The following OTUB2 variants were observed in gnomAD, a reference collection of about 807,000 sequenced individuals.
The protein encoded by OTUB2 is ubiquitin thioesterase OTUB2.
In OTUB2, 21 loss-of-function variants were observed where a neutral mutation model predicts 25.1. The ratio of observed to expected loss-of-function variants is 0.84; its 90% CI spans 0.59 to 1.21. The LOEUF (loss-of-function observed/expected upper bound fraction) is 1.21. Among genes scored for constraint, OTUB2 ranks in the 50% most tolerant of loss-of-function variants. OTUB2 has a pLI of 0.00. For synonymous variants in OTUB2, 122 were observed against 122.8 expected (o/e 0.99, Z 0.04); for missense variants, 283 against 298.0 (o/e 0.95, Z 0.37).
rs749145276 is a variant in OTUB2 at position 94,048,889 on chromosome 14, G to GT, written c.*2968dup. ...CCAAGCCCTACAGCTTCCCTAGGCA[G>GT]TAAGTAAAAACATTCTCCTAGCATT... On this transcript the variant is annotated 3_prime_UTR_variant, in exon 6 of 6. Coordinates refer to ENST00000203664, the MANE Select transcript of OTUB2 (RefSeq NM_023112.4). The GT allele has an allele frequency of 3.3e-5, 5 of 152,278 alleles. No individual in the cohort carries two copies. Among genetic ancestry groups the GT allele is most frequent in the Non-Finnish European group, 7.3e-5 (5 of 68,052 alleles). The allele number at this position is 152,278 out of a possible 1,614,324, so 9.4% of individuals were successfully genotyped here.
At chr14:94,036,806 C>G (rs2141410475) in intron 1 of OTUB2, among the ~76,000 whole-genome samples, 1 of 152,300 alleles carries the variant, frequency 6.6e-6, no homozygotes, top group Admixed American at 6.5e-5. Context: ...GACACCTTCT[C>G]TGGCATCTCC....
chr14:94,035,391 G>T (rs1346286163), intron 1 of OTUB2, among the ~76,000 whole-genome samples: 1 of 143,988 alleles, frequency 6.9e-6, no homozygotes, highest in Non-Finnish European at 1.5e-5. Flanking sequence ...CCCGGTTTAA[G>T]AAATTCTCTA....
chr14:94,045,834 A>G lies in OTUB2; in HGVS notation c.617A>G (p.His206Arg). ...VDEMDTALNH[H>R]VFPEAATPSV... is the part of the protein sequence containing the mutation. ...GAGATGGATACCGCCCTGAACCACC[A>G]CGTGTTCCCTGAGGCCGCCACCCCT... Residue 206 changes from histidine to arginine, a missense_variant, in exon 6 of 6, where the codon CAC (histidine) becomes CGC (arginine). Coordinates refer to ENST00000203664, the MANE Select transcript of OTUB2 (RefSeq NM_023112.4). The G allele has an allele frequency of 6.2e-7, 1 of 1,614,136 alleles. No individual in the cohort carries two copies. The highest frequency in any genetic ancestry group is 8.5e-7 in the Non-Finnish European group (1 of 1,180,024).
chr14:94,031,378 C>T (rs574394141), intron 1 of OTUB2, among the ~76,000 whole-genome samples: 2 of 152,176 alleles, frequency 1.3e-5, no homozygotes, highest in Admixed American at 6.5e-5. Context: ...CCCATGGCTG[C>T]GGGCTGCTTG....
At chr14:94,039,281 G>A (rs896782252) in intron 3 of OTUB2, 200 bp downstream of exon 3, 1 of 593,688 alleles carries the variant, frequency 1.7e-6, no homozygotes, top group South Asian at 2.1e-5. Flanking sequence ...GGTGGAGGAT[G>A]GAATCTGTGA....
At chr14:94,034,372 C>T (rs7161250) in intron 1 of OTUB2, among the ~76,000 whole-genome samples, 23,263 of 152,150 alleles carry the variant, frequency 0.15, 2,103 homozygotes, top group African/African-American at 0.25. Flanking sequence ...GATAAGAAGG[C>T]CCTAGGCTGC....
chr14:94,037,992 G>T (rs1259527385), intron 2 of OTUB2, among the ~76,000 whole-genome samples: 1 of 152,268 alleles, frequency 6.6e-6, no homozygotes, highest in African/African-American at 2.4e-5. Context: ...GGAGGAGCTG[G>T]GTGCCCACTC....
intron 2 of OTUB2, among the ~76,000 whole-genome samples, chr14:94,038,369 A>G (rs1431984599): frequency 2.0e-5 from 3 of 152,206 alleles, no homozygotes; most frequent in Admixed American, 2.0e-4. Flanking sequence ...AGCTGGCCTC[A>G]GGTGGGCCCA....
chr14:94,044,842 C>T, intron 5 of OTUB2, 62 bp downstream of exon 5: 1 of 1,491,728 alleles, frequency 6.7e-7, no homozygotes, highest in Non-Finnish European at 9.0e-7. Flanking sequence ...GTCCTGCAGA[C>T]TTCAGCACCC....
chr14:94,028,427 T>G (rs771663930), intron 1 of OTUB2, among the ~76,000 whole-genome samples: 5 of 152,190 alleles, frequency 3.3e-5, no homozygotes, highest in Non-Finnish European at 5.9e-5. Flanking sequence ...TGGGCTAAGC[T>G]TGAGGAAGGG....
At position 94,039,079 on chromosome 14, in the gene OTUB2, CAAGT is replaced by C. The variant is rs1229021653; in HGVS notation, c.217_218+2del. 1.9e-6 allele frequency: 3 copies of C among 1,613,268 alleles called. No homozygotes were observed. Among genetic ancestry groups the C allele is most frequent in the African/African-American group, 2.7e-5 (2 of 75,004 alleles). On this transcript the variant is annotated splice_donor_variant and coding_sequence_variant, in exon 3 of 6. Transcript: ENST00000203664. LOFTEE classifies it high-confidence loss of function. ...TGCTGGGGAAGAGCAGGGAGATCTT[CAAGT>C]GAGTGCCGGGGCCCCTTGGCCTGTC...
At chr14:94,045,404 T>A (rs527546978) in intron 5 of OTUB2, among the ~76,000 whole-genome samples, 1 of 152,300 alleles carries the variant, frequency 6.6e-6, no homozygotes, top group Admixed American at 6.5e-5. Context: ...ATGCCCAACC[T>A]GAAAAATGTC....
At chr14:94,043,404 G>C (rs1885200310) in intron 3 of OTUB2, among the ~76,000 whole-genome samples, 1 of 152,210 alleles carries the variant, frequency 6.6e-6, no homozygotes, top group African/African-American at 2.4e-5. Flanking sequence ...GCCAGGGCCA[G>C]GCCCAGGCCT....
At chr14:94,041,959 C>T (rs545471222) in intron 3 of OTUB2, among the ~76,000 whole-genome samples, 39 of 152,302 alleles carry the variant, frequency 2.6e-4, no homozygotes, top group Admixed American at 1.6e-3. Flanking sequence ...TAGCTCTTAG[C>T]GTCAGCGTCA....
intron 5 of OTUB2, 118 bp downstream of exon 5, chr14:94,044,898 A>C (rs1390487876): frequency 1.8e-6 from 2 of 1,099,116 alleles, no homozygotes; most frequent in African/African-American, 3.2e-5. Flanking sequence ...CTTGCAATTC[A>C]AACAGAGCTA....
rs1035195200 is a variant in OTUB2 at position 94,043,971 on chromosome 14, G to T, written c.219G>T (p.Lys73Asn). 1.2e-6 allele frequency: 2 copies of T among 1,614,020 alleles called. No individual in the cohort carries two copies. Among genetic ancestry groups the T allele is most frequent in the Non-Finnish European group, 8.5e-7 (1 of 1,179,870 alleles). The change falls in exon 4 of 6, where the codon AAG becomes AAT. Residue 73 changes from lysine (K) to asparagine (N), a missense_variant and splice_region_variant. By Grantham distance (94) the Lys-to-Asn change is moderately conservative (BLOSUM62 0). Transcript: ENST00000203664. ...SLLGKSREIF[K>N]FKERVLQTPN... ...AACACTCAGTCTTCCCCCTCTGTAGGTTCAAAGAACGCGTACTGCAGACCC... is the reference window on the plus strand; with the variant it reads ...AACACTCAGTCTTCCCCCTCTGTAGTTTCAAAGAACGCGTACTGCAGACCC...
Position 94,027,697 on chromosome 14 carries a change from G to A in OTUB2, c.3+1157G>A, listed in dbSNP as rs540762550. Among the ~76,000 whole-genome samples, 293 of 152,332 alleles carry A rather than the reference G, an allele frequency of 1.9e-3. 2 individuals carry two copies. The highest frequency in any genetic ancestry group is 0.016 in the Admixed American group (252 of 15,306). On this transcript the variant is annotated intron_variant, in intron 1 of 5. Transcript: ENST00000203664. ...TGGGTCACCACGGCAGCATGCTGCC[G>A]GGCTGGGGCATGGGTCAAAGCCTGG... is the stretch of plus-strand genomic sequence containing the variant.
At chr14:94,039,394 A>C in intron 3 of OTUB2, 2 of 358,170 alleles carry the variant, frequency 5.6e-6, no homozygotes, top group Admixed American at 4.4e-5. Flanking sequence ...AAAGAAAAGA[A>C]AAGACAAACA....
rs918768397 is a variant in OTUB2, at chr14:94,045,800, T to C, written c.583T>C (p.Tyr195His). 3.7e-6 allele frequency: 6 copies of C among 1,613,978 alleles called. No individual in the cohort carries two copies. Among genetic ancestry groups the C allele is most frequent in the Non-Finnish European group, 5.1e-6 (6 of 1,180,034 alleles). The change falls in exon 6 of 6, where the codon TAC (tyrosine) becomes CAC (histidine). Residue 195 changes from tyrosine to histidine, a missense_variant. Physicochemically the swap from Tyr to His is moderately conservative, Grantham distance 83. Coordinates refer to ENST00000203664, the MANE Select transcript of OTUB2 (RefSeq NM_023112.4). ...QALSIALQVE[Y>H]VDEMDTALNH... The stretch of plus-strand genomic sequence containing the variant: ...CCTGAGCATTGCCCTGCAAGTGGAG[T>C]ACGTGGACGAGATGGATACCGCCCT...
Sources: allele counts gnomAD v4.1 joint callset (sites outside exome capture counted in the v4.1 genomes callset), GRCh38; gene constraint gnomAD v4.1.1; transcripts MANE v1.5; gene names NCBI Gene and HGNC (gene_info 2026-07-23, HGNC 2026-07-21).